The following PHGDH variants were observed in gnomAD, a reference collection of about 807,000 sequenced individuals.
PHGDH encodes the protein phosphoglycerate dehydrogenase, also known as D-3-phosphoglycerate dehydrogenase.
PHGDH carries 50 observed loss-of-function variants against 52.6 expected under a neutral mutation model. The ratio of observed to expected loss-of-function variants is 0.95; its 90% CI spans 0.76 to 1.20. PHGDH has a LOEUF of 1.20. Among genes scored for constraint, PHGDH ranks in the 50% most tolerant of loss-of-function variants. The pLI is 0.00. For missense variants in PHGDH, 630 were observed against 684.6 expected, an observed-to-expected ratio of 0.92 and a Z score of 0.89; for synonymous variants, 271 against 280.5, an observed-to-expected ratio of 0.97 and a Z score of 0.34.
intron 1 of PHGDH, among the ~76,000 whole-genome samples, chr1:119,715,537 C>G (rs1234022662): frequency 1.3e-5 from 2 of 152,278 alleles, no homozygotes; most frequent in African/African-American, 2.4e-5. Flanking sequence ...TTGTCTTGCC[C>G]TATGATTTAA....
At chr1:119,731,582 A>G (rs1651692972) in intron 5 of PHGDH, among the ~76,000 whole-genome samples, 1 of 152,150 alleles carries the variant, frequency 6.6e-6, no homozygotes, top group South Asian at 2.1e-4. Context: ...ATGTTTGCTG[A>G]GGTCTACTGT....
rs1326368830 is a variant in PHGDH, at chr1:119,743,018, A to G, written c.1421A>G (p.Asp474Gly). The G allele has an allele frequency of 6.2e-7, 1 of 1,612,240 alleles. No individual in the cohort carries two copies. The highest frequency in any genetic ancestry group is 8.5e-7 in the Non-Finnish European group (1 of 1,178,364). Residue 474 changes from aspartate to glycine, a missense_variant, in exon 11 of 12, where the codon GAC becomes GGC. Physicochemically the swap from Asp to Gly is moderately conservative, Grantham distance 94. Transcript: ENST00000641023. ...PLLLFRTQTS[D>G]PAMLPTMIGL... is the part of the protein sequence containing the mutation. ...CTCCTATTCCGGACTCAGACCTCTGACCCTGCAATGCTGCCTACCATGATT... is the reference window on the plus strand; with the variant it reads ...CTCCTATTCCGGACTCAGACCTCTGGCCCTGCAATGCTGCCTACCATGATT...
At chr1:119,728,833 T>C (rs748477188) in intron 5 of PHGDH, among the ~76,000 whole-genome samples, 1 of 152,178 alleles carries the variant, frequency 6.6e-6, no homozygotes, top group Non-Finnish European at 1.5e-5. Flanking sequence ...GAGATCAGTT[T>C]TGACAACCAG....
intron 5 of PHGDH, 147 bp from the exon 6 acceptor site, chr1:119,734,487 G>A (rs1040974606): frequency 1.5e-5 from 12 of 790,556 alleles, no homozygotes; most frequent in Non-Finnish European, 2.2e-5. Context: ...ATGGTACTTA[G>A]TGTATGGTAA....
At chr1:119,726,278 C>T (rs1174032208) in intron 3 of PHGDH, among the ~76,000 whole-genome samples, 3 of 151,542 alleles carry the variant, frequency 2.0e-5, no homozygotes, top group Non-Finnish European at 2.9e-5. Context: ...GTTGGGACCA[C>T]GCATTCAGGA....
At chr1:119,719,230 A>G (rs1651048860) in intron 1 of PHGDH, among the ~76,000 whole-genome samples, 1 of 152,162 alleles carries the variant, frequency 6.6e-6, no homozygotes, top group Non-Finnish European at 1.5e-5. Context: ...CTGGGTGCCC[A>G]TGTGACTTGT....
intron 3 of PHGDH, among the ~76,000 whole-genome samples, chr1:119,725,913 C>A (rs926122712): frequency 6.6e-6 from 1 of 152,100 alleles, no homozygotes; most frequent in East Asian, 1.9e-4. Context: ...CAGTGCCTCC[C>A]TCCGTGCAGC....
chr1:119,744,085 A>G lies in PHGDH; in HGVS notation c.*45A>G, dbSNP rs1353368425. 6.3e-7 allele frequency: 1 copy of G among 1,580,562 alleles called. No homozygotes were observed. Among genetic ancestry groups the G allele is most frequent in the Non-Finnish European group, 8.7e-7 (1 of 1,150,018 alleles). ...CTGCCTCTGGGGCTTTTCTGAAGAA[A>G]CCCACCCACTGTGATCAATAGGGAG... On this transcript the variant is annotated 3_prime_UTR_variant, in exon 12 of 12. Transcript: ENST00000641023.
At chr1:119,732,297 T>C (rs922277948) in intron 5 of PHGDH, among the ~76,000 whole-genome samples, 1 of 152,210 alleles carries the variant, frequency 6.6e-6, no homozygotes, top group Non-Finnish European at 1.5e-5. Context: ...GAGTCCTGCT[T>C]AGAAAGTGAG....
chr1:119,726,357 C>T (rs974158093), intron 3 of PHGDH, among the ~76,000 whole-genome samples: 4 of 152,090 alleles, frequency 2.6e-5, no homozygotes, highest in Non-Finnish European at 2.9e-5. Context: ...CTAAGACCCT[C>T]GGGGTTAAGA....
At chr1:119,715,221 CT>C (rs1179448380) in intron 1 of PHGDH, among the ~76,000 whole-genome samples, 1 of 152,122 alleles carries the variant, frequency 6.6e-6, no homozygotes, top group Non-Finnish European at 1.5e-5. Context: ...CTGGTATTTT[CT>C]TCTGTTTCAT....
At chr1:119,723,229 G>A (rs1651256025) in intron 2 of PHGDH, 147 bp from the exon 3 acceptor site, 1 of 734,190 alleles carries the variant, frequency 1.4e-6, no homozygotes, top group Non-Finnish European at 2.5e-6. Context: ...TAGGGCGAGA[G>A]TACATCAGAG....
chr1:119,730,490 A>G (rs145849373), intron 5 of PHGDH, among the ~76,000 whole-genome samples: 3 of 152,310 alleles, frequency 2.0e-5, no homozygotes, highest in African/African-American at 7.2e-5. Flanking sequence ...TTTTCTATGC[A>G]TTTGCACAGA....
intron 5 of PHGDH, among the ~76,000 whole-genome samples, chr1:119,728,470 G>A (rs1434025943): frequency 6.6e-6 from 1 of 152,126 alleles, no homozygotes; most frequent in African/African-American, 2.4e-5. Context: ...TAGAGCCTAT[G>A]GTGGCTGGAA....
At chr1:119,735,270 A>G (rs1651879679) in intron 6 of PHGDH, 25 bp from the exon 7 acceptor site, 3 of 1,613,938 alleles carry the variant, frequency 1.9e-6, no homozygotes, top group African/African-American at 1.3e-5. Flanking sequence ...CTGCCCCAGC[A>G]GGAAGATGCT....
At chr1:119,712,260 T>G in intron 1 of PHGDH, 100 bp downstream of exon 1, 2 of 902,750 alleles carry the variant, frequency 2.2e-6, no homozygotes, top group Non-Finnish European at 3.4e-6. Context: ...GCACCCCGTA[T>G]CAATTAGTTC....
intron 5 of PHGDH, among the ~76,000 whole-genome samples, chr1:119,733,522 G>T (rs953859318): frequency 5.3e-5 from 8 of 149,890 alleles, no homozygotes; most frequent in East Asian, 2.0e-4. Flanking sequence ...TTTTGTAGGG[G>T]GGGGGGTCTG....
intron 5 of PHGDH, among the ~76,000 whole-genome samples, chr1:119,732,857 T>C (rs587633364): frequency 6.6e-6 from 1 of 152,268 alleles, no homozygotes; most frequent in South Asian, 2.1e-4. Flanking sequence ...CTCCTGAGCA[T>C]GGAGTAGACG....
intron 11 of PHGDH, 23 bp from the exon 12 acceptor site, chr1:119,743,863 C>T (rs761018446): frequency 2.5e-6 from 4 of 1,606,230 alleles, no homozygotes; most frequent in East Asian, 2.2e-5. Flanking sequence ...CCTGTGCCAA[C>T]CAGGAGTTTC....
Sources: allele counts gnomAD v4.1 joint callset (sites outside exome capture counted in the v4.1 genomes callset), GRCh38; gene constraint gnomAD v4.1.1; transcripts MANE v1.5; gene names NCBI Gene and HGNC (gene_info 2026-07-23, HGNC 2026-07-21).